The following ZC3H3 variants were observed in gnomAD, a reference collection of about 807,000 sequenced individuals.
ZC3H3 encodes the protein zinc finger CCCH domain-containing protein 3.
Under a neutral mutation model 77.3 loss-of-function variants are expected in ZC3H3, and 36 were observed. The observed-to-expected ratio is 0.47, with a 90% confidence interval of 0.36 to 0.61. The LOEUF (loss-of-function observed/expected upper bound fraction) is 0.61. ZC3H3 is among the 20% of genes least tolerant of loss of function. The pLI, the probability that ZC3H3 is intolerant of heterozygous loss-of-function variation, is 0.00. For synonymous variants in ZC3H3, 626 were observed against 555.2 expected (o/e 1.13, Z -1.79); for missense variants, 1,331 against 1,312.2 (o/e 1.01, Z -0.22).
chr8:143,501,991 G>A (rs1472141003), intron 4 of ZC3H3, among the ~76,000 whole-genome samples: 1 of 152,254 alleles, frequency 6.6e-6, no homozygotes. Context: ...ATGGTCCTGA[G>A]GTGGGGCCCT....
rs1554636713 is a variant in ZC3H3 at position 143,440,213 on chromosome 8, G to C, written c.2643C>G (p.Ser881=). The part of the protein sequence containing the change: ...KASSSSSSSS[S]PPASLDHEAP... ...CCTCGTGGTCCAAGGAAGCGGGAGG[G>C]GATGAGGAGGAGGAGGAGGAGGAGG... Residue 881 remains serine, a synonymous_variant, in exon 11 of 12, where the codon TCC becomes TCG. Transcript: ENST00000262577. 2 of 1,605,276 alleles carry C rather than the reference G, an allele frequency of 1.2e-6. No individual in the cohort carries two copies. Among genetic ancestry groups the C allele is most frequent in the East Asian group, 2.2e-5 (1 of 44,482 alleles).
chr8:143,538,908 G>C lies in ZC3H3; in HGVS notation c.459C>G (p.Pro153=). The C allele has an allele frequency of 6.2e-7, 1 of 1,612,908 alleles. No homozygotes were observed. Among genetic ancestry groups the C allele is most frequent in the Non-Finnish European group, 8.5e-7 (1 of 1,179,982 alleles). Residue 153 remains proline, a synonymous_variant, in exon 2 of 12, where the codon CCC becomes CCG. Coordinates refer to ENST00000262577, the MANE Select transcript of ZC3H3 (RefSeq NM_015117.3). Reference sequence around the variant, plus strand: ...CTTCCCGGGGCCTTTGGTCACTCCAGGGGGTTTCCTCAAATTCTTCCAAAG... The same window carrying C: ...CTTCCCGGGGCCTTTGGTCACTCCACGGGGTTTCCTCAAATTCTTCCAAAG... ...RGSLEEFEET[P]WSDQRPREGE...
chr8:143,496,451 A>G (rs1186491319), intron 4 of ZC3H3, among the ~76,000 whole-genome samples: 6 of 152,360 alleles, frequency 3.9e-5, no homozygotes, highest in Non-Finnish European at 8.8e-5. Flanking sequence ...AAAGGGACGC[A>G]GGCCAGCCTC....
intron 3 of ZC3H3, among the ~76,000 whole-genome samples, chr8:143,529,360 G>A (rs972824328): frequency 2.6e-5 from 4 of 152,186 alleles, no homozygotes; most frequent in Non-Finnish European, 4.4e-5. Flanking sequence ...GCCACAGCAC[G>A]GGCTGGGTGC....
chr8:143,489,462 G>A (rs1289211824), intron 4 of ZC3H3, among the ~76,000 whole-genome samples: 1 of 152,004 alleles, frequency 6.6e-6, no homozygotes, highest in Non-Finnish European at 1.5e-5. Context: ...ACGGAGCCCC[G>A]CCCACCACCG....
intron 3 of ZC3H3, among the ~76,000 whole-genome samples, chr8:143,514,396 G>A (rs1821966157): frequency 6.6e-6 from 1 of 152,202 alleles, no homozygotes; most frequent in African/African-American, 2.4e-5. Flanking sequence ...CTGGCCTGGA[G>A]CCATTGGCCC....
intron 4 of ZC3H3, among the ~76,000 whole-genome samples, chr8:143,495,260 G>A (rs1381869652): frequency 1.3e-5 from 2 of 152,222 alleles, no homozygotes; most frequent in African/African-American, 4.8e-5. Flanking sequence ...GCAATGACAC[G>A]AGCCTGAATC....
intron 1 of ZC3H3, among the ~76,000 whole-genome samples, chr8:143,540,217 CT>C (rs11318159): frequency 0.32 from 38,813 of 122,438 alleles, 5,745 homozygotes; most frequent in African/African-American, 0.47. Context: ...ATTTTTAAAG[CT>C]TTTTTTTGTT....
intron 3 of ZC3H3, among the ~76,000 whole-genome samples, chr8:143,528,805 C>T (rs1466433290): frequency 1.3e-5 from 2 of 152,222 alleles, no homozygotes; most frequent in African/African-American, 4.8e-5. Flanking sequence ...GGAGCGAGGC[C>T]CTCCCTTCTG....
chr8:143,527,201 G>A (rs949336260), intron 3 of ZC3H3, among the ~76,000 whole-genome samples: 3 of 152,216 alleles, frequency 2.0e-5, no homozygotes, highest in African/African-American at 4.8e-5. Flanking sequence ...CCACCAGGGT[G>A]AGGGACCTAC....
At chr8:143,509,259 C>T (rs894671878) in intron 3 of ZC3H3, among the ~76,000 whole-genome samples, 2 of 152,124 alleles carry the variant, frequency 1.3e-5, no homozygotes, top group Admixed American at 6.5e-5. Context: ...GAGAAACCAG[C>T]AAAAAAATCA....
intron 3 of ZC3H3, among the ~76,000 whole-genome samples, chr8:143,527,240 T>C (rs1822443428): frequency 2.0e-5 from 3 of 152,134 alleles, no homozygotes; most frequent in Non-Finnish European, 4.4e-5. Context: ...GTCCTGCACT[T>C]GATTCAAAGT....
intron 3 of ZC3H3, among the ~76,000 whole-genome samples, chr8:143,514,805 T>C (rs993127703): frequency 6.6e-6 from 1 of 151,992 alleles, no homozygotes; most frequent in Admixed American, 6.5e-5. Context: ...AGGGGCTGCA[T>C]GGCCACGCTC....
chr8:143,450,501 G>C (rs1819960784), intron 9 of ZC3H3, among the ~76,000 whole-genome samples: 1 of 152,166 alleles, frequency 6.6e-6, no homozygotes, highest in Non-Finnish European at 1.5e-5. Flanking sequence ...AATTTATGAA[G>C]ATAAGAGGTT....
rs140254248 is a variant in ZC3H3, at chr8:143,538,158, A to C, written c.1209T>G (p.His403Gln). ...ACAGGACTGGGGAGAGCTGGGAGGC[A>C]TGGTCCTTGCTGCTGGCCTCCGACT... is the stretch of plus-strand genomic sequence containing the variant. ...RWQSEASSKD[H>Q]ASQLSPVLSR... Residue 403 changes from histidine (H) to glutamine (Q), a missense_variant, in exon 2 of 12, where the codon CAT becomes CAG. Physicochemically the swap from His to Gln is conservative, Grantham distance 24. Coordinates refer to ENST00000262577, the MANE Select transcript of ZC3H3 (RefSeq NM_015117.3). The C allele has an allele frequency of 1.8e-3, 2,931 of 1,613,050 alleles. 2 individuals carry two copies. Among genetic ancestry groups the C allele is most frequent in the Non-Finnish European group, 2.2e-3 (2,631 of 1,180,010 alleles).
At chr8:143,465,628 T>C in intron 9 of ZC3H3, 89 bp downstream of exon 9, 1 of 1,562,454 alleles carries the variant, frequency 6.4e-7, no homozygotes, top group Middle Eastern at 1.7e-4. Flanking sequence ...AGATGGGTCA[T>C]CCAGCCACCA....
At chr8:143,472,506 G>A (rs1046456337) in intron 5 of ZC3H3, among the ~76,000 whole-genome samples, 2 of 152,174 alleles carry the variant, frequency 1.3e-5, no homozygotes, top group Admixed American at 1.3e-4. Context: ...CCCCACTGCT[G>A]AGCGGGCCAG....
rs1822551822 is a variant in ZC3H3, at chr8:143,530,050, G to C, written c.1561+6207C>G. Among the ~76,000 whole-genome samples, 1 of 152,216 alleles carries C rather than the reference G, an allele frequency of 6.6e-6. No homozygotes were observed. The highest frequency in any genetic ancestry group is 1.5e-5 in the Non-Finnish European group (1 of 68,038). On this transcript the variant is annotated intron_variant, in intron 3 of 11. Coordinates refer to ENST00000262577, the MANE Select transcript of ZC3H3 (RefSeq NM_015117.3). The surrounding 1 kb of genome is among the most constrained non-coding windows in gnomAD (Gnocchi z 4.3). ...CCCAGGGGCGGGCACGGCAGACTGA[G>C]GGACGGGTAGGAATCGCCCTCCGTG...
intron 9 of ZC3H3, among the ~76,000 whole-genome samples, chr8:143,446,864 T>C (rs1165090328): frequency 6.6e-6 from 1 of 152,198 alleles, no homozygotes; most frequent in Non-Finnish European, 1.5e-5. Flanking sequence ...GAGAACTGTC[T>C]TCAGATAACT....
Sources: allele counts gnomAD v4.1 joint callset (sites outside exome capture counted in the v4.1 genomes callset), GRCh38; gene constraint gnomAD v4.1.1; non-coding constraint Gnocchi (gnomAD v3.1); transcripts MANE v1.5; gene names NCBI Gene and HGNC (gene_info 2026-07-23, HGNC 2026-07-21).